Variants in PSD2 observed in about 807,000 individuals in gnomAD.
PSD2 encodes PH and SEC7 domain-containing protein 2.
PSD2 carries 38 observed loss-of-function variants against 69.8 expected under a neutral mutation model. The ratio of observed to expected loss-of-function variants is 0.54; its 90% confidence interval spans 0.42 to 0.71. PSD2 has a LOEUF of 0.71. Ranked by LOEUF, PSD2 falls within the 30% of genes least tolerant of loss-of-function variation. The pLI is 0.00. For missense variants in PSD2, 943 were observed against 1,014.5 expected (o/e 0.93, Z 0.96); for synonymous variants, 412 against 423.0 (o/e 0.97, Z 0.32).
chr5:139,794,768 C>T (rs1211655175), upstream of PSD2, among the ~76,000 whole-genome samples: 1 of 152,168 alleles, frequency 6.6e-6, no homozygotes, highest in Non-Finnish European at 1.5e-5. Flanking sequence ...TTCTCCCAGG[C>T]ACTGGGCCTG....
Position 139,837,057 on chromosome 5 carries a change from C to T in PSD2, c.1594+56C>T. 1 of 1,593,792 alleles carries T rather than the reference C, an allele frequency of 6.3e-7. No homozygotes were observed. Among genetic ancestry groups the T allele is most frequent in the Non-Finnish European group, 8.6e-7 (1 of 1,166,172 alleles). ...AGGGAGGCTGGCACAGAGGGGGGCG[C>T]CACGGGCCACTCTTTGGGGACGAAC... On this transcript the variant is annotated intron_variant, in intron 10 of 14. Coordinates refer to ENST00000274710, the MANE Select transcript of PSD2 (RefSeq NM_032289.4). The surrounding 1 kb of genome is among the most constrained non-coding windows in gnomAD (Gnocchi z 5.0).
Position 139,842,431 on chromosome 5 carries a change from CTG to C in PSD2, c.2274_2275del (p.Gly759GlnfsTer11), listed in dbSNP as rs1297880908. 6.2e-7 allele frequency: 1 copy of C among 1,614,200 alleles called. No individual in the cohort carries two copies. The highest frequency in any genetic ancestry group is 1.3e-5 in the African/African-American group (1 of 75,052). On this transcript the variant is annotated frameshift_variant, in exon 15 of 15. Coordinates refer to ENST00000274710, the MANE Select transcript of PSD2 (RefSeq NM_032289.4). LOFTEE classifies it high-confidence loss of function. The stretch of plus-strand genomic sequence containing the variant: ...CCTGCCCTCAGCCAGGGCCATGTGA[CTG>C]GCAGCAAAACCACAAAGGATGCCAC...
At chr5:139,802,614 GTCCTTTGTGGT>G (rs561734290) in intron 1 of PSD2, among the ~76,000 whole-genome samples, 43 of 152,178 alleles carry the variant, frequency 2.8e-4, no homozygotes, top group African/African-American at 1.0e-3. Flanking sequence ...AGACAGCTTA[GTCCTTTGTGGT>G]TCCTGATAAC....
chr5:139,841,478 G>A (rs987288432), intron 14 of PSD2, among the ~76,000 whole-genome samples: 1 of 152,152 alleles, frequency 6.6e-6, no homozygotes, highest in Admixed American at 6.5e-5. Context: ...TATGAAAATG[G>A]GTATACAAAT....
rs1364587643 is a variant in PSD2 at position 139,839,619 on chromosome 5, C to T, written c.1969-408C>T. On this transcript the variant is annotated intron_variant, in intron 13 of 14. Transcript: ENST00000274710. This position sits in a 1 kb window ranked among gnomAD's most constrained non-coding sequence, Gnocchi z 5.1. ...CATGAATGTAAGAGAACGCGTGTAT[C>T]ATATGGAGCAGGGGATAGCGGGGCC... Among the ~76,000 whole-genome samples the T allele has an allele frequency of 2.0e-5, 3 of 152,182 alleles. No homozygotes were observed. Among genetic ancestry groups the T allele is most frequent in the Admixed American group, 6.5e-5 (1 of 15,284 alleles).
the PSD2 span, among the ~76,000 whole-genome samples, chr5:139,774,703 G>A: frequency 6.6e-6 from 1 of 152,106 alleles, no homozygotes; most frequent in Non-Finnish European, 1.5e-5. Context: ...TGTTGGTCAG[G>A]CTGGTCTGGA....
chr5:139,816,013 A>AAG (rs1561598625), intron 4 of PSD2, among the ~76,000 whole-genome samples: 2 of 150,900 alleles, frequency 1.3e-5, no homozygotes, highest in East Asian at 1.9e-4. Flanking sequence ...AAAAAAAAAA[A>AAG]AAAGAAAATT....
the PSD2 span, among the ~76,000 whole-genome samples, chr5:139,744,624 C>G: frequency 1.3e-5 from 2 of 152,130 alleles, no homozygotes; most frequent in African/African-American, 4.8e-5. Flanking sequence ...GGGGAAGGCT[C>G]TCACACCCTC....
the PSD2 span, among the ~76,000 whole-genome samples, chr5:139,764,835 G>C: frequency 3.3e-4 from 51 of 152,302 alleles, no homozygotes; most frequent in South Asian, 9.7e-3. Context: ...ACACCCGCCA[G>C]GAAAGCAGGA....
the PSD2 span, among the ~76,000 whole-genome samples, chr5:139,764,691 G>A: frequency 2.0e-5 from 3 of 152,208 alleles, no homozygotes; most frequent in African/African-American, 7.2e-5. Context: ...CCAGGAGGCC[G>A]AAACCTGATG....
intron 14 of PSD2, among the ~76,000 whole-genome samples, chr5:139,841,937 T>C (rs775204084): frequency 1.3e-5 from 2 of 152,228 alleles, no homozygotes; most frequent in African/African-American, 2.4e-5. Context: ...TTTTCTCCCA[T>C]TCTGTAGGTT....
At chr5:139,790,446 A>G in the PSD2 span, among the ~76,000 whole-genome samples, 42,797 of 151,296 alleles carry the variant, frequency 0.28, 6,630 homozygotes, top group African/African-American at 0.37. Flanking sequence ...CATCATGGGA[A>G]AGAGTGAGAT....
the PSD2 span, among the ~76,000 whole-genome samples, chr5:139,779,938 C>A: frequency 1.3e-5 from 2 of 152,150 alleles, no homozygotes; most frequent in African/African-American, 2.4e-5. Context: ...TTGACAGACA[C>A]CTGGGCTGTT....
the PSD2 span, among the ~76,000 whole-genome samples, chr5:139,748,911 G>A: frequency 6.6e-5 from 10 of 152,286 alleles, no homozygotes; most frequent in Admixed American, 4.6e-4. Flanking sequence ...GTATGTTGGG[G>A]GGGGTGAATA....
chr5:139,789,990 G>GGGCC, the PSD2 span, among the ~76,000 whole-genome samples: 3 of 147,632 alleles, frequency 2.0e-5, no homozygotes, highest in South Asian at 2.1e-4. Flanking sequence ...GAGCAGCACG[G>GGGCC]GGCCGGGCGG....
the PSD2 span, among the ~76,000 whole-genome samples, chr5:139,783,943 C>CTT: frequency 5.6e-3 from 494 of 87,880 alleles, 44 homozygotes; most frequent in East Asian, 0.041. Context: ...TCTGCTAGCT[C>CTT]TTTTTTTTTT....
At chr5:139,767,669 C>G in the PSD2 span, among the ~76,000 whole-genome samples, 2 of 152,182 alleles carry the variant, frequency 1.3e-5, no homozygotes, top group South Asian at 2.1e-4. Context: ...GATCAAAACT[C>G]TACCTACTTC....
At chr5:139,790,154 C>G in the PSD2 span, among the ~76,000 whole-genome samples, 1 of 151,984 alleles carries the variant, frequency 6.6e-6, no homozygotes, top group South Asian at 2.1e-4. Flanking sequence ...CACGGGAGCT[C>G]GCGCCTGTAA....
Position 139,809,792 on chromosome 5 carries a change from G to A in PSD2, c.352G>A (p.Ala118Thr). 1 of 1,614,172 alleles carries A rather than the reference G, an allele frequency of 6.2e-7. No individual in the cohort carries two copies. Among genetic ancestry groups the A allele is most frequent in the East Asian group, 2.2e-5 (1 of 44,890 alleles). Residue 118 changes from alanine to threonine, a missense_variant, in exon 2 of 15, where the codon GCT (alanine) becomes ACT (threonine). By Grantham distance (58) the Ala-to-Thr change is moderately conservative (BLOSUM62 0). Coordinates refer to ENST00000274710, the MANE Select transcript of PSD2 (RefSeq NM_032289.4). ...DNASRSLYPD[A>T]EDPQLGLDGP... is the part of the protein sequence containing the mutation. ...TGCTTCCAGGAGCCTCTACCCAGAT[G>A]CTGAGGACCCTCAGCTGGGGTGAGT...
Sources: allele counts gnomAD v4.1 joint callset (sites outside exome capture counted in the v4.1 genomes callset), GRCh38; gene constraint gnomAD v4.1.1; non-coding constraint Gnocchi (gnomAD v3.1); transcripts MANE v1.5; gene names NCBI Gene and HGNC (gene_info 2026-07-23, HGNC 2026-07-21).